Variants in PRR11 observed in about 807,000 individuals in gnomAD.
PRR11 encodes proline rich 11, also known as proline-rich protein 11.
Under a neutral mutation model 45.6 loss-of-function variants are expected in PRR11, and 30 were observed. The observed-to-expected ratio is 0.66, with a 90% confidence interval of 0.49 to 0.89. PRR11 has a LOEUF of 0.89. Among genes scored for constraint, PRR11 ranks in the 40% least tolerant of loss-of-function variants. The pLI is 0.00. For synonymous variants in PRR11, 128 were observed against 153.5 expected, an observed-to-expected ratio of 0.83 and a Z score of 1.23; for missense variants, 373 against 424.8, an observed-to-expected ratio of 0.88 and a Z score of 1.07.
At chr17:59,183,847 C>T (rs1378899255) in intron 2 of PRR11, among the ~76,000 whole-genome samples, 1 of 152,156 alleles carries the variant, frequency 6.6e-6, no homozygotes, top group Non-Finnish European at 1.5e-5. Flanking sequence ...TTTGTAATCC[C>T]AGCACTTTGG....
rs780016733 is a variant in PRR11 at position 59,193,589 on chromosome 17, G to A, written c.500G>A (p.Gly167Glu). ...CCTGCCTGCGTTCTGATCACCCCTGGAGACTCCAAAGCTGTGCTTCCTCCC... is the reference window on the plus strand; with the variant it reads ...CCTGCCTGCGTTCTGATCACCCCTGAAGACTCCAAAGCTGTGCTTCCTCCC... ...NVPACVLITP[G>E]DSKAVLPPTL... The change falls in exon 5 of 10, where the codon GGA becomes GAA. Residue 167 changes from glycine (G) to glutamate (E), a missense_variant. Coordinates refer to ENST00000262293, the MANE Select transcript of PRR11 (RefSeq NM_018304.4). 1.9e-6 allele frequency: 3 copies of A among 1,614,086 alleles called. No individual in the cohort carries two copies. Among genetic ancestry groups the A allele is most frequent in the Non-Finnish European group, 2.5e-6 (3 of 1,180,026 alleles).
At position 59,185,138 on chromosome 17, in the gene PRR11, T is replaced by C; in HGVS notation, c.213T>C (p.Asp71=). The stretch of plus-strand genomic sequence containing the variant: ...ACTTCAATTTTCCTAACATCAGAGA[T>C]GCAATAAAACTTTGGACAAATAGAG... The part of the protein sequence containing the change: ...SWNFNFPNIR[D]AIKLWTNRVW... Residue 71 remains aspartate, a synonymous_variant, in exon 3 of 10, where the codon GAT becomes GAC. Coordinates refer to ENST00000262293, the MANE Select transcript of PRR11 (RefSeq NM_018304.4). 1 of 1,613,978 alleles carries C rather than the reference T, an allele frequency of 6.2e-7. No homozygotes were observed. Among genetic ancestry groups the C allele is most frequent in the South Asian group, 1.1e-5 (1 of 91,088 alleles).
At chr17:59,185,602 A>T in intron 4 of PRR11, 40 bp downstream of exon 4, 1 of 1,507,990 alleles carries the variant, frequency 6.6e-7, no homozygotes, top group Non-Finnish European at 9.0e-7. Flanking sequence ...GGAATTAGGT[A>T]AGGAGACACT....
chr17:59,179,735 G>A (rs536523578), intron 2 of PRR11: 19 of 1,410,208 alleles, frequency 1.3e-5, no homozygotes, highest in African/African-American at 4.2e-5. Context: ...CCCACACAGC[G>A]TCTCCGCCAC....
At chr17:59,158,710 A>G (rs894610330) in intron 1 of PRR11, among the ~76,000 whole-genome samples, 1 of 152,226 alleles carries the variant, frequency 6.6e-6, no homozygotes, top group Non-Finnish European at 1.5e-5. Context: ...AGTAAAGGAA[A>G]ATAGACAATA....
chr17:59,183,734 C>A (rs1165042222), intron 2 of PRR11, among the ~76,000 whole-genome samples: 1 of 152,146 alleles, frequency 6.6e-6, no homozygotes, highest in Non-Finnish European at 1.5e-5. Flanking sequence ...ATGTATTGCT[C>A]TGAACTCAGA....
intron 2 of PRR11, among the ~76,000 whole-genome samples, chr17:59,181,276 C>T (rs1188704119): frequency 6.6e-6 from 1 of 151,782 alleles, no homozygotes; most frequent in Non-Finnish European, 1.5e-5. Flanking sequence ...ACGTGAGCCA[C>T]AGCGCCCAGC....
chr17:59,158,481 A>G (rs2046636517), intron 1 of PRR11, among the ~76,000 whole-genome samples: 1 of 152,232 alleles, frequency 6.6e-6, no homozygotes, highest in Admixed American at 6.5e-5. Flanking sequence ...AAGCTAAAGT[A>G]TCTAAGAGTA....
chr17:59,178,625 A>G (rs1019385504), intron 2 of PRR11: 1 of 519,444 alleles, frequency 1.9e-6, no homozygotes, highest in Non-Finnish European at 3.8e-6. Context: ...CCCAGGGGGA[A>G]GTCTCAGGAT....
At chr17:59,188,890 A>C (rs1041734391) in intron 4 of PRR11, among the ~76,000 whole-genome samples, 7 of 151,488 alleles carry the variant, frequency 4.6e-5, no homozygotes, top group Non-Finnish European at 8.8e-5. Flanking sequence ...CAGTGAGCTG[A>C]GATCGCGCCA....
chr17:59,172,672 A>G (rs2046716280), intron 2 of PRR11, among the ~76,000 whole-genome samples: 2 of 152,224 alleles, frequency 1.3e-5, no homozygotes, highest in African/African-American at 4.8e-5. Flanking sequence ...CCGGACCAGC[A>G]GCTGCAGGGG....
At chr17:59,179,602 T>C in intron 2 of PRR11, 5 of 1,510,586 alleles carry the variant, frequency 3.3e-6, no homozygotes, top group Non-Finnish European at 4.5e-6. Flanking sequence ...AGTTTCCTCT[T>C]TTTTAAAAGA....
intron 2 of PRR11, among the ~76,000 whole-genome samples, chr17:59,173,356 C>T (rs1323576543): frequency 6.6e-6 from 1 of 152,146 alleles, no homozygotes; most frequent in African/African-American, 2.4e-5. Flanking sequence ...GGGCCACTTT[C>T]ACGCTGTGGA....
At chr17:59,193,226 ATGTC>A (rs1434149836) in intron 4 of PRR11, among the ~76,000 whole-genome samples, 1 of 152,094 alleles carries the variant, frequency 6.6e-6, no homozygotes, top group Non-Finnish European at 1.5e-5. Context: ...TGCATGTTTA[ATGTC>A]TGTCTTCTGT....
chr17:59,165,994 T>C (rs1472692341), intron 1 of PRR11, among the ~76,000 whole-genome samples: 2 of 152,136 alleles, frequency 1.3e-5, no homozygotes, highest in Non-Finnish European at 1.5e-5. Flanking sequence ...TGGGACCTGA[T>C]AGTTAGTCCA....
intron 2 of PRR11, among the ~76,000 whole-genome samples, chr17:59,178,301 T>C (rs907422453): frequency 1.3e-5 from 2 of 151,990 alleles, no homozygotes; most frequent in African/African-American, 2.4e-5. Flanking sequence ...GACACTGCCC[T>C]CCAGCCTGGG....
chr17:59,197,615 T>G lies in PRR11; in HGVS notation c.917+12T>G. On this transcript the variant is annotated intron_variant, in intron 8 of 9. Coordinates refer to ENST00000262293, the MANE Select transcript of PRR11 (RefSeq NM_018304.4). ...GTCGATGTAGAGAGGTAATACACTC[T>G]CATATCTTTATGCCTTCTACGTCCA... 1 of 1,612,748 alleles carries G rather than the reference T, an allele frequency of 6.2e-7. No homozygotes were observed.
chr17:59,197,437 G>T, intron 7 of PRR11, 107 bp from the exon 8 acceptor site: 2 of 1,038,510 alleles, frequency 1.9e-6, no homozygotes, highest in East Asian at 2.6e-5. Context: ...ATTTTTAATA[G>T]AGACAAGGTT....
At chr17:59,185,917 G>C (rs917278336) in intron 4 of PRR11, among the ~76,000 whole-genome samples, 1 of 152,122 alleles carries the variant, frequency 6.6e-6, no homozygotes, top group Non-Finnish European at 1.5e-5. Flanking sequence ...TAGATATATT[G>C]TCCAGATTGG....
Sources: allele counts gnomAD v4.1 joint callset (sites outside exome capture counted in the v4.1 genomes callset), GRCh38; gene constraint gnomAD v4.1.1; transcripts MANE v1.5; gene names NCBI Gene and HGNC (gene_info 2026-07-23, HGNC 2026-07-21).